TTC7A: variants seen among roughly 807,000 people sequenced by gnomAD.
TTC7A encodes tetratricopeptide repeat protein 7A.
In TTC7A, 110 loss-of-function variants were observed where a neutral mutation model predicts 103.7. The ratio of observed to expected loss-of-function variants is 1.06; its 90% CI spans 0.91 to 1.24. The LOEUF (loss-of-function observed/expected upper bound fraction) is 1.24. TTC7A is among the 50% of genes most tolerant of loss of function. The pLI, the probability that TTC7A is intolerant of heterozygous loss-of-function variation, is 0.00. For synonymous variants in TTC7A, 521 were observed against 467.9 expected (o/e 1.11, Z -1.47); for missense variants, 1,340 against 1,116.3 (o/e 1.20, Z -2.86).
chr2:46,993,328 A>G (rs1558549145), intron 5 of TTC7A, 122 bp from the exon 6 acceptor site: 9 of 875,616 alleles, frequency 1.0e-5, no homozygotes, highest in Non-Finnish European at 1.3e-5. Flanking sequence ...CACTCCAGTT[A>G]TCGAATGTGT....
chr2:47,027,884 A>G (rs1472026030), intron 14 of TTC7A, among the ~76,000 whole-genome samples: 1 of 152,210 alleles, frequency 6.6e-6, no homozygotes, highest in Non-Finnish European at 1.5e-5. Context: ...CTTTTGAAGA[A>G]GAGAGTTTAT....
At chr2:46,933,699 T>C (rs1002870521) in intron 2 of TTC7A, among the ~76,000 whole-genome samples, 1 of 152,240 alleles carries the variant, frequency 6.6e-6, no homozygotes, top group Non-Finnish European at 1.5e-5. Context: ...TACATAAAGT[T>C]GGGAAGGCAG....
chr2:47,014,350 ACT>A (rs1678406061), intron 11 of TTC7A, among the ~76,000 whole-genome samples: 1 of 152,022 alleles, frequency 6.6e-6, no homozygotes, highest in South Asian at 2.1e-4. Context: ...TTCTCCCAGC[ACT>A]CTGCACCTAA....
intron 2 of TTC7A, among the ~76,000 whole-genome samples, chr2:46,926,973 C>T (rs188148188): frequency 6.9e-4 from 99 of 143,104 alleles, no homozygotes; most frequent in African/African-American, 1.8e-3. Context: ...AAAAATATAA[C>T]GGATAGATTG....
chr2:47,052,706 T>C (rs1042773048), intron 18 of TTC7A, among the ~76,000 whole-genome samples: 1 of 152,038 alleles, frequency 6.6e-6, no homozygotes, highest in Non-Finnish European at 1.5e-5. Flanking sequence ...TGAAATAAAA[T>C]GGCAGCAGAA....
At position 46,934,925 on chromosome 2, in the gene TTC7A, T is replaced by C. The variant is rs1282585013; in HGVS notation, c.83-15438T>C. On this transcript the variant is annotated intron_variant, in intron 2 of 20. Coordinates refer to the TTC7A transcript ENST00000409245. ...AAGCGATTCTCTTGCCTCAGCCTCC[T>C]GAGTAGCTGGAACTACAGGCGCGCA... Among the ~76,000 whole-genome samples the C allele has an allele frequency of 2.6e-5, 4 of 151,222 alleles. No homozygotes were observed. The East Asian group carries it at 7.8e-4, about 30-fold the overall frequency.
Position 47,024,393 on chromosome 2 carries a change from C to T in TTC7A, c.1641+34C>T, listed in dbSNP as rs187209877. 4.9e-4 allele frequency: 765 copies of T among 1,574,168 alleles called. 1 individual carries two copies. Among genetic ancestry groups the T allele is most frequent in the Non-Finnish European group, 6.3e-4 (729 of 1,158,382 alleles). On this transcript the variant is annotated intron_variant, in intron 14 of 19. Coordinates refer to ENST00000319190, the MANE Select transcript of TTC7A (RefSeq NM_020458.4). ...TCCGTGTTCCTAACCCCCGGGTCCT[C>T]GGGGGCTGCTGATCTTCTCCTGGAA...
rs192624256 is a variant in TTC7A, at chr2:46,930,969, T to C, written c.82+13692T>C. On this transcript the variant is annotated intron_variant, in intron 2 of 20. Transcript: ENST00000409245. ...CATAATTTTGATGACCAAAAGCCAA[T>C]GAAGACAGTTCCAGATGAGAAAATT... is the stretch of plus-strand genomic sequence containing the variant. 2.8e-4 allele frequency among the ~76,000 whole-genome samples: 42 copies of C among 152,198 alleles called. 1 individual carries two copies. Among genetic ancestry groups the C allele is most frequent in the Admixed American group, 1.9e-3 (29 of 15,292 alleles).
intron 11 of TTC7A, among the ~76,000 whole-genome samples, chr2:47,013,043 T>C (rs890277254): frequency 6.6e-6 from 1 of 152,208 alleles, no homozygotes; most frequent in African/African-American, 2.4e-5. Flanking sequence ...GTAAGGCACC[T>C]AACCTCACTG....
chr2:46,936,569 G>A (rs1013058922), upstream of TTC7A, among the ~76,000 whole-genome samples: 4 of 152,152 alleles, frequency 2.6e-5, no homozygotes, highest in African/African-American at 7.2e-5. Flanking sequence ...CTCACCATTC[G>A]CAGACTCTCA....
chr2:46,964,204 G>A (rs904679559), intron 3 of TTC7A, among the ~76,000 whole-genome samples: 2 of 152,246 alleles, frequency 1.3e-5, no homozygotes, highest in African/African-American at 4.8e-5. Context: ...GCTGGGTGGT[G>A]AGCCTGAACT....
chr2:47,034,905 A>C (rs1680943722), intron 15 of TTC7A, among the ~76,000 whole-genome samples: 1 of 152,192 alleles, frequency 6.6e-6, no homozygotes, highest in Non-Finnish European at 1.5e-5. Context: ...AAGCCAGAGC[A>C]CGTGCCTGTA....
At chr2:47,063,746 C>T (rs1198633895) in intron 19 of TTC7A, among the ~76,000 whole-genome samples, 3 of 152,246 alleles carry the variant, frequency 2.0e-5, no homozygotes, top group Admixed American at 6.5e-5. Flanking sequence ...CCTTCCCTCC[C>T]CTGAGGGCAC....
At chr2:46,953,518 G>A (rs959713778) in intron 2 of TTC7A, among the ~76,000 whole-genome samples, 59 of 152,156 alleles carry the variant, frequency 3.9e-4, no homozygotes, top group African/African-American at 1.4e-3. Flanking sequence ...GACCTTTCTT[G>A]GCAGCTGATG....
At chr2:46,985,172 C>T (rs996556726) in intron 5 of TTC7A, among the ~76,000 whole-genome samples, 1 of 152,080 alleles carries the variant, frequency 6.6e-6, no homozygotes, top group African/African-American at 2.4e-5. Context: ...ACTTTCTGTT[C>T]CTGTAGCTCC....
At chr2:47,031,397 T>C (rs1457362163) in intron 15 of TTC7A, among the ~76,000 whole-genome samples, 12 of 152,156 alleles carry the variant, frequency 7.9e-5, no homozygotes, top group South Asian at 2.1e-4. Flanking sequence ...TCTGCGCACC[T>C]CTCTGGCAGG....
intron 4 of TTC7A, among the ~76,000 whole-genome samples, chr2:46,977,436 G>C (rs1673990517): frequency 6.6e-6 from 1 of 152,146 alleles, no homozygotes; most frequent in South Asian, 2.1e-4. Context: ...TATACAGAAG[G>C]CAAGCCTGTC....
chr2:47,028,155 A>G (rs924540880), intron 14 of TTC7A, among the ~76,000 whole-genome samples: 1 of 152,114 alleles, frequency 6.6e-6, no homozygotes, highest in African/African-American at 2.4e-5. Flanking sequence ...CTCTTCAGGA[A>G]AGGGCTCCTT....
intron 15 of TTC7A, among the ~76,000 whole-genome samples, chr2:47,037,359 T>C (rs1157223352): frequency 6.6e-6 from 1 of 152,148 alleles, no homozygotes; most frequent in East Asian, 1.9e-4. Context: ...GGGAGGGAGC[T>C]GTTTTGTTTT....
Sources: gnomAD v4.1 joint callset for allele counts (sites outside exome capture counted in the v4.1 genomes callset) on GRCh38, gnomAD v4.1.1 for gene constraint, MANE v1.5 for transcripts, NCBI Gene and HGNC (gene_info 2026-07-23, HGNC 2026-07-21) for gene names.